Variants in ST8SIA1 observed in about 807,000 individuals in gnomAD.
The protein encoded by ST8SIA1 is ST8 alpha-N-acetyl-neuraminide alpha-2,8-sialyltransferase 1.
ST8SIA1 carries 16 observed loss-of-function variants against 35.9 expected under a neutral mutation model. That is an observed-to-expected ratio of 0.45 (90% CI 0.30 to 0.68). The LOEUF (loss-of-function observed/expected upper bound fraction) is 0.68, where lower values mean the gene tolerates loss of function less well. Among genes scored for constraint, ST8SIA1 ranks in the 30% least tolerant of loss-of-function variants. ST8SIA1 has a pLI of 0.09. For synonymous variants in ST8SIA1, 170 were observed against 169.6 expected (o/e 1.00, Z -0.02); for missense variants, 383 against 453.6 (o/e 0.84, Z 1.41).
At chr12:22,278,064 T>G (rs79046402) in intron 2 of ST8SIA1, among the ~76,000 whole-genome samples, 2,405 of 152,342 alleles carry the variant, frequency 0.016, 104 homozygotes, top group South Asian at 0.14. Flanking sequence ...ACTTCATGAA[T>G]GAGTGGTCGA....
At chr12:22,298,916 AT>A (rs531270706) in intron 1 of ST8SIA1, among the ~76,000 whole-genome samples, 30 of 151,984 alleles carry the variant, frequency 2.0e-4, no homozygotes, top group African/African-American at 7.0e-4. Flanking sequence ...AAAAGTAGAG[AT>A]TTTTTTTTAA....
At chr12:22,288,924 C>T (rs1477369449) in intron 1 of ST8SIA1, among the ~76,000 whole-genome samples, 1 of 152,094 alleles carries the variant, frequency 6.6e-6, no homozygotes, top group East Asian at 1.9e-4. Context: ...GAAACAGGGT[C>T]TCACTCTATT....
intron 1 of ST8SIA1, among the ~76,000 whole-genome samples, chr12:22,309,750 C>A (rs1414182230): frequency 6.6e-6 from 1 of 152,088 alleles, no homozygotes; most frequent in East Asian, 1.9e-4. Flanking sequence ...ATTTTTGAAT[C>A]TCATCATTCT....
At chr12:22,241,729 A>C (rs1865543561) in intron 4 of ST8SIA1, among the ~76,000 whole-genome samples, 1 of 151,696 alleles carries the variant, frequency 6.6e-6, no homozygotes, top group African/African-American at 2.4e-5. Context: ...TCAAATTTAT[A>C]AAATCCCTTC....
In ST8SIA1 at chr12:22,320,809, GC is replaced by G. The variant is rs887967836; in HGVS notation, c.236+13187del. On this transcript the variant is annotated intron_variant, in intron 1 of 4. Transcript: ENST00000396037. ...TGCACCACTGCACTCCAGCCTGGGT[GC>G]AGAGAAAGACCTAAAAAAAAGAAAA... Among the ~76,000 whole-genome samples, 4 of 148,694 alleles carry G rather than the reference GC, an allele frequency of 2.7e-5. No individual in the cohort carries two copies. The Admixed American group carries it at 2.7e-4, about 10-fold the overall frequency.
At chr12:22,206,455 A>T (rs1215344538) in intron 4 of ST8SIA1, among the ~76,000 whole-genome samples, 1 of 152,172 alleles carries the variant, frequency 6.6e-6, no homozygotes, top group African/African-American at 2.4e-5. Flanking sequence ...TCCTGCACCG[A>T]TCAATTATCA....
chr12:22,202,326 G>T (rs1865057360), intron 4 of ST8SIA1, among the ~76,000 whole-genome samples: 1 of 152,116 alleles, frequency 6.6e-6, no homozygotes, highest in Admixed American at 6.5e-5. Flanking sequence ...GAACGTTTTT[G>T]CCTGAAATGG....
intron 1 of ST8SIA1, among the ~76,000 whole-genome samples, chr12:22,300,227 A>C (rs1284124844): frequency 1.3e-5 from 2 of 152,164 alleles, no homozygotes; most frequent in Non-Finnish European, 2.9e-5. Context: ...TTAAAGCCTC[A>C]TCTCCAGGCC....
intron 1 of ST8SIA1, among the ~76,000 whole-genome samples, chr12:22,295,514 C>T (rs971201894): frequency 6.6e-6 from 1 of 152,148 alleles, no homozygotes; most frequent in African/African-American, 2.4e-5. Context: ...GGGAAGACAG[C>T]TTGAGCCCAG....
At chr12:22,293,069 A>C (rs1478304759) in intron 1 of ST8SIA1, among the ~76,000 whole-genome samples, 1 of 152,230 alleles carries the variant, frequency 6.6e-6, no homozygotes, top group African/African-American at 2.4e-5. Context: ...TTTCGAGACT[A>C]AGAAACAAAC....
rs1003242258 is a variant in ST8SIA1, at chr12:22,334,064, T to G, written c.169A>C (p.Ile57Leu). 1.2e-6 allele frequency: 2 copies of G among 1,613,726 alleles called. No homozygotes were observed. The highest frequency in any genetic ancestry group is 1.7e-6 in the Non-Finnish European group (2 of 1,180,000). Residue 57 changes from isoleucine to leucine, a missense_variant, in exon 1 of 5, where the codon ATC becomes CTC. Coordinates refer to ENST00000396037, the MANE Select transcript of ST8SIA1 (RefSeq NM_003034.4). ...PVYRLPNEKE[I>L]VQGVLQQGTA... The stretch of plus-strand genomic sequence containing the variant: ...CCCTGTTGCAGCACCCCCTGCACGA[T>G]CTCTTTCTCGTTGGGCAGCCGGTAG...
intron 1 of ST8SIA1, chr12:22,325,493 C>A (rs918109555): frequency 1.4e-6 from 1 of 701,722 alleles, no homozygotes; most frequent in South Asian, 1.5e-5. Flanking sequence ...GGATAAAAAT[C>A]GATTCCTTCA....
At chr12:22,266,966 C>CA (rs1352600056) in intron 2 of ST8SIA1, among the ~76,000 whole-genome samples, 8 of 152,114 alleles carry the variant, frequency 5.3e-5, no homozygotes, top group African/African-American at 1.9e-4. Flanking sequence ...CACTTAGACA[C>CA]CCCAAGGAAT....
chr12:22,257,711 C>T (rs1030642647), intron 2 of ST8SIA1, among the ~76,000 whole-genome samples: 6 of 151,472 alleles, frequency 4.0e-5, no homozygotes, highest in Admixed American at 2.0e-4. Context: ...GATGAAGAAG[C>T]GAGGCAGAAG....
chr12:22,248,623 T>C (rs1472003873), intron 4 of ST8SIA1, among the ~76,000 whole-genome samples: 1 of 152,232 alleles, frequency 6.6e-6, no homozygotes, highest in African/African-American at 2.4e-5. Context: ...ATGTAATGGA[T>C]TGGCCATTGC....
At chr12:22,248,372 T>G (rs917089783) in intron 4 of ST8SIA1, among the ~76,000 whole-genome samples, 8 of 152,162 alleles carry the variant, frequency 5.3e-5, no homozygotes, top group Admixed American at 4.6e-4. Flanking sequence ...AGCTCGCTGA[T>G]GCACTTCATC....
chr12:22,332,916 A>G (rs560628602), intron 1 of ST8SIA1, among the ~76,000 whole-genome samples: 1 of 152,160 alleles, frequency 6.6e-6, no homozygotes, highest in Non-Finnish European at 1.5e-5. Context: ...AACCACCCAG[A>G]CCACTACAAT....
intron 4 of ST8SIA1, among the ~76,000 whole-genome samples, chr12:22,243,452 C>T (rs1276669932): frequency 6.6e-6 from 1 of 152,152 alleles, no homozygotes; most frequent in South Asian, 2.1e-4. Flanking sequence ...CTCCATTTTA[C>T]TGTGCCATGA....
rs1005852268 is a variant in ST8SIA1 at position 22,334,312 on chromosome 12, GCCAGCC to G, written c.-86_-81del. The stretch of plus-strand genomic sequence containing the variant: ...AAGTGGCAGCGGAGGGTCCCCCACC[GCCAGCC>G]CCCCATGCACACACACCTTTGGTTC... On this transcript the variant is annotated 5_prime_UTR_variant, in exon 1 of 5. Coordinates refer to ENST00000396037, the MANE Select transcript of ST8SIA1 (RefSeq NM_003034.4). 27 of 1,124,392 alleles carry G rather than the reference GCCAGCC, an allele frequency of 2.4e-5. No homozygotes were observed. The African/African-American group carries it at 3.6e-4, about 15-fold the overall frequency. The allele number at this position is 1,124,392 out of a possible 1,614,324, so 69.7% of individuals were successfully genotyped here. A position where few individuals can be genotyped will look rare whatever the true frequency, so the allele number is the denominator to read the frequency against.
Sources: allele counts gnomAD v4.1 joint callset (sites outside exome capture counted in the v4.1 genomes callset), GRCh38; gene constraint gnomAD v4.1.1; transcripts MANE v1.5; gene names NCBI Gene and HGNC (gene_info 2026-07-23, HGNC 2026-07-21).